Variants in ZBTB7C observed in about 807,000 individuals in gnomAD.
ZBTB7C encodes the protein zinc finger and BTB domain-containing protein 7C.
ZBTB7C carries 8 observed loss-of-function variants against 25.7 expected under a neutral mutation model. The observed-to-expected ratio is 0.31, with a 90% CI of 0.18 to 0.56. The LOEUF (loss-of-function observed/expected upper bound fraction) is 0.56, where lower values mean the gene tolerates loss of function less well. ZBTB7C is among the 20% of genes least tolerant of loss of function. The pLI is 0.91. For missense variants in ZBTB7C, 824 were observed against 855.2 expected (o/e 0.96, Z 0.46); for synonymous variants, 394 against 369.0 (o/e 1.07, Z -0.78).
At chr18:48,270,388 T>G (rs1441247715) in intron 2 of ZBTB7C, among the ~76,000 whole-genome samples, 2 of 150,004 alleles carry the variant, frequency 1.3e-5, no homozygotes, top group African/African-American at 2.4e-5. Context: ...TGTGCCACCA[T>G]GCCCAGCTAA....
intron 1 of ZBTB7C, among the ~76,000 whole-genome samples, chr18:48,347,137 T>G (rs1451913285): frequency 6.2e-5 from 9 of 144,972 alleles, no homozygotes; most frequent in South Asian, 2.3e-4. Context: ...TTTTTTTTTT[T>G]TTTTTTTTTT....
chr18:48,259,494 G>C (rs2044110191), intron 2 of ZBTB7C, among the ~76,000 whole-genome samples: 1 of 151,652 alleles, frequency 6.6e-6, no homozygotes, highest in Non-Finnish European at 1.5e-5. Context: ...TAATGTCTTA[G>C]ATATGACACA....
chr18:48,390,355 C>A (rs1487902878), intron 1 of ZBTB7C, among the ~76,000 whole-genome samples: 2 of 152,192 alleles, frequency 1.3e-5, no homozygotes, highest in Non-Finnish European at 2.9e-5. Flanking sequence ...ACTACATATT[C>A]TGCTCCACAG....
At chr18:48,135,589 G>T (rs111683551) in intron 3 of ZBTB7C, among the ~76,000 whole-genome samples, 1 of 152,070 alleles carries the variant, frequency 6.6e-6, no homozygotes, top group Non-Finnish European at 1.5e-5. Flanking sequence ...GGGGAGGACC[G>T]GCACTGGGGC....
At chr18:48,099,516 C>T (rs1180536360) in intron 3 of ZBTB7C, among the ~76,000 whole-genome samples, 1 of 152,232 alleles carries the variant, frequency 6.6e-6, no homozygotes, top group Non-Finnish European at 1.5e-5. Flanking sequence ...TGCAACCACC[C>T]AGCACCCCCT....
chr18:48,105,089 G>C (rs1376657664), intron 3 of ZBTB7C, among the ~76,000 whole-genome samples: 4 of 152,232 alleles, frequency 2.6e-5, no homozygotes, highest in East Asian at 3.8e-4. Flanking sequence ...CTTGTCCAGA[G>C]TGTTTGCAAA....
At chr18:48,057,954 T>G (rs7243877) in intron 3 of ZBTB7C, among the ~76,000 whole-genome samples, 8,534 of 152,254 alleles carry the variant, frequency 0.056, 819 homozygotes, top group African/African-American at 0.2. Flanking sequence ...AATGTCCCCG[T>G]GGCCACATAG....
At chr18:48,251,960 C>G (rs1599193694) in intron 2 of ZBTB7C, among the ~76,000 whole-genome samples, 1 of 152,182 alleles carries the variant, frequency 6.6e-6, no homozygotes, top group Non-Finnish European at 1.5e-5. Context: ...TGTCCACGCT[C>G]TCAATTTCTC....
chr18:48,033,352 G>A (rs78336401), intron 4 of ZBTB7C, among the ~76,000 whole-genome samples: 190 of 152,332 alleles, frequency 1.2e-3, no homozygotes, highest in African/African-American at 4.3e-3. Flanking sequence ...GATGAGAAAG[G>A]ATGGATTTTC....
At position 48,029,440 on chromosome 18, in the gene ZBTB7C, C is replaced by A. The variant is rs762974591; in HGVS notation, c.1680G>T (p.Gly560=). The A allele has an allele frequency of 1.1e-5, 18 of 1,594,130 alleles. No homozygotes were observed. Among genetic ancestry groups the A allele is most frequent in the Non-Finnish European group, 1.5e-5 (18 of 1,173,934 alleles). ...TCCTCTCAGCCTCCAGCTGCGCGCG[C>A]CCGAACAGCTTCATCTGTGTCTCCT... ...QFEETQMKLF[G]RAQLEAERNA... is the part of the protein sequence containing the mutation. The change falls in exon 5 of 5, where the codon GGG becomes GGT. Residue 560 remains glycine (G), a synonymous_variant. Coordinates refer to ENST00000590800, the MANE Select transcript of ZBTB7C (RefSeq NM_001318841.2).
intron 2 of ZBTB7C, among the ~76,000 whole-genome samples, chr18:48,191,322 C>T (rs1325156592): frequency 6.6e-6 from 1 of 152,180 alleles, no homozygotes; most frequent in Non-Finnish European, 1.5e-5. Flanking sequence ...GCAGCCTGGC[C>T]CTGCCATCGA....
intron 3 of ZBTB7C, among the ~76,000 whole-genome samples, chr18:48,166,358 T>C (rs1425006814): frequency 1.3e-5 from 2 of 152,242 alleles, no homozygotes; most frequent in African/African-American, 4.8e-5. Flanking sequence ...TAGGAAGAAT[T>C]TGCCTATCAT....
intron 2 of ZBTB7C, among the ~76,000 whole-genome samples, chr18:48,187,247 T>G (rs2042077829): frequency 1.3e-5 from 2 of 152,214 alleles, no homozygotes; most frequent in African/African-American, 4.8e-5. Context: ...ATGGGGCAGA[T>G]ATCTGTACAT....
chr18:48,184,254 G>A (rs752022591), intron 3 of ZBTB7C, among the ~76,000 whole-genome samples: 8 of 152,166 alleles, frequency 5.3e-5, no homozygotes, highest in Admixed American at 1.3e-4. Context: ...ACCCCGTGGC[G>A]CAGCACAATG....
intron 3 of ZBTB7C, chr18:48,147,765 C>T (rs2144868586): frequency 6.6e-6 from 1 of 151,354 alleles, no homozygotes; most frequent in South Asian, 2.1e-4. Flanking sequence ...ACAGACGTGC[C>T]ACCACGCCTG....
chr18:48,089,198 G>A (rs912855000), intron 3 of ZBTB7C, among the ~76,000 whole-genome samples: 1 of 152,190 alleles, frequency 6.6e-6, no homozygotes, highest in Admixed American at 6.5e-5. Flanking sequence ...GCCGGGTGCA[G>A]TGGCTCACGC....
intron 2 of ZBTB7C, among the ~76,000 whole-genome samples, chr18:48,275,752 T>G (rs16949020): frequency 0.1 from 15,261 of 152,246 alleles, 876 homozygotes; most frequent in South Asian, 0.19. Flanking sequence ...AGAACAGTTC[T>G]GAAGTGCACC....
intron 3 of ZBTB7C, among the ~76,000 whole-genome samples, chr18:48,139,428 G>A (rs907687282): frequency 6.6e-5 from 10 of 152,076 alleles, no homozygotes; most frequent in Non-Finnish European, 1.3e-4. Flanking sequence ...CAGAGTTGAG[G>A]TGCCCAGCCC....
At chr18:48,092,136 G>A (rs183888690) in intron 3 of ZBTB7C, among the ~76,000 whole-genome samples, 232 of 152,312 alleles carry the variant, frequency 1.5e-3, no homozygotes, top group Non-Finnish European at 2.7e-3. Flanking sequence ...ATAGTGGGTC[G>A]ACACTTCCAG....
Sources: allele counts gnomAD v4.1 joint callset (sites outside exome capture counted in the v4.1 genomes callset), GRCh38; gene constraint gnomAD v4.1.1; transcripts MANE v1.5; gene names NCBI Gene and HGNC (gene_info 2026-07-23, HGNC 2026-07-21).